CLIP2: variants seen among roughly 807,000 people sequenced by gnomAD.
The protein encoded by CLIP2 is CAP-Gly domain containing linker protein 2, also known as CAP-Gly domain-containing linker protein 2.
Under a neutral mutation model 111.7 loss-of-function variants are expected in CLIP2, and 41 were observed. The observed-to-expected ratio is 0.37, with a 90% CI of 0.29 to 0.48. The LOEUF is 0.48. Among genes scored for constraint, CLIP2 ranks in the 20% least tolerant of loss-of-function variants. The pLI is 0.99. For missense variants in CLIP2, 1,160 were observed against 1,422.1 expected (o/e 0.82, Z 2.96); for synonymous variants, 660 against 644.2 (o/e 1.02, Z -0.37).
chr7:74,352,835 C>T (rs1790045874), intron 3 of CLIP2, among the ~76,000 whole-genome samples: 1 of 151,832 alleles, frequency 6.6e-6, no homozygotes, highest in East Asian at 1.9e-4. Flanking sequence ...ATATCAAGAC[C>T]CTGTGTCTAC....
At chr7:74,314,311 T>G (rs1788714075) in intron 1 of CLIP2, among the ~76,000 whole-genome samples, 1 of 151,574 alleles carries the variant, frequency 6.6e-6, no homozygotes, top group African/African-American at 2.4e-5. Context: ...GCCAACATAG[T>G]GAAACCCCAC....
At chr7:74,296,874 C>T (rs896135631) in intron 1 of CLIP2, among the ~76,000 whole-genome samples, 10 of 151,982 alleles carry the variant, frequency 6.6e-5, no homozygotes, top group East Asian at 1.9e-4. Flanking sequence ...TAGCTGTGAA[C>T]GCTACATCTC....
At position 74,362,015 on chromosome 7, in the gene CLIP2, C is replaced by T. The variant is rs187148870; in HGVS notation, c.1319+1737C>T. On this transcript the variant is annotated intron_variant, in intron 7 of 16. Coordinates refer to ENST00000223398, the MANE Select transcript of CLIP2 (RefSeq NM_003388.5). ...ACTCGGGAGGCTGAGGCAGGAGAAT[C>T]GCTTGAACCCAGGAGGTGGAGGTTG... Among the ~76,000 whole-genome samples the T allele has an allele frequency of 1.6e-4, 24 of 151,784 alleles. No homozygotes were observed. In the East Asian group the frequency reaches 3.5e-3, roughly 22 times the overall value.
chr7:74,353,500 C>G (rs57591718), intron 3 of CLIP2, among the ~76,000 whole-genome samples: 1 of 152,154 alleles, frequency 6.6e-6, no homozygotes, highest in South Asian at 2.1e-4. Context: ...ATCTGCCCAC[C>G]TTGGCCTCCC....
At chr7:74,309,634 G>A (rs527324937) in intron 1 of CLIP2, among the ~76,000 whole-genome samples, 22 of 151,178 alleles carry the variant, frequency 1.5e-4, no homozygotes, top group African/African-American at 4.6e-4. Flanking sequence ...GAGGCGGGTG[G>A]ATCACCTGAG....
chr7:74,360,232 C>G lies in CLIP2; in HGVS notation c.1273C>G (p.Arg425Gly), dbSNP rs367705587. The G allele has an allele frequency of 6.2e-7, 1 of 1,607,162 alleles. No individual in the cohort carries two copies. Among genetic ancestry groups the G allele is most frequent in the South Asian group, 1.1e-5 (1 of 89,488 alleles). Residue 425 changes from arginine to glycine, a missense_variant, in exon 7 of 17, where the codon CGG (arginine) becomes GGG (glycine). Physicochemically the swap from Arg to Gly is moderately radical, Grantham distance 125 (BLOSUM62 -2). This residue lies in a region of CLIP2 where 70 missense variants were observed against 114.9 expected (regional missense o/e 0.61). Coordinates refer to ENST00000223398, the MANE Select transcript of CLIP2 (RefSeq NM_003388.5). ...AGCCCGGCTGCTCGTGGAGAGCGTG[C>G]GGAAAGAGAAGGTGGACCTGTCCAA... Reference protein sequence around the residue: ...QRARLLVESVRKEKVDLSNQL... With the variant: ...QRARLLVESVGKEKVDLSNQL...
At chr7:74,389,014 A>G (rs1791199566) in intron 12 of CLIP2, 89 bp from the exon 13 acceptor site, 2 of 1,453,408 alleles carry the variant, frequency 1.4e-6, no homozygotes, top group Non-Finnish European at 1.8e-6. Context: ...TGGGAGAATC[A>G]GCGCCCTGCC....
At chr7:74,356,660 G>A in intron 5 of CLIP2, 37 bp downstream of exon 5, 1 of 1,568,080 alleles carries the variant, frequency 6.4e-7, no homozygotes, top group Non-Finnish European at 8.7e-7. Flanking sequence ...TCTCTGGTGT[G>A]CGTTTGGGAG....
chr7:74,366,283 G>A (rs797034296), intron 8 of CLIP2, among the ~76,000 whole-genome samples: 7 of 152,100 alleles, frequency 4.6e-5, no homozygotes, highest in African/African-American at 1.2e-4. Context: ...CTCTGCTGGC[G>A]TCTCCTCCTT....
At position 74,289,436 on chromosome 7, in the gene CLIP2, T is replaced by A. The variant is rs1450858537; in HGVS notation, c.-366T>A. The A allele has an allele frequency of 6.7e-6, 1 of 148,272 alleles. No individual in the cohort carries two copies. Among genetic ancestry groups the A allele is most frequent in the East Asian group, 2.0e-4 (1 of 4,922 alleles). The allele number at this position is 148,272 out of a possible 1,614,324, so 9.2% of individuals were successfully genotyped here. A position where few individuals can be genotyped will look rare whatever the true frequency, so the allele number is the denominator to read the frequency against. On this transcript the variant is annotated 5_prime_UTR_variant, in exon 1 of 17. Coordinates refer to ENST00000223398, the MANE Select transcript of CLIP2 (RefSeq NM_003388.5). ...TTGTTCCCTCCCGGAGCCGGGCCGCTGGCTCCGCTGGCTCCGCTGGCTCCG... is the reference window on the plus strand; with the variant it reads ...TTGTTCCCTCCCGGAGCCGGGCCGCAGGCTCCGCTGGCTCCGCTGGCTCCG...
Position 74,356,600 on chromosome 7 carries a change from G to T in CLIP2, c.994G>T (p.Gly332Cys), listed in dbSNP as rs1429454503. The change falls in exon 5 of 17, where the codon GGT becomes TGT. Residue 332 changes from glycine (G) to cysteine (C), a missense_variant. Physicochemically the swap from Gly to Cys is radical, Grantham distance 159. Around this residue, in one of 5 missense-constraint regions of CLIP2, gnomAD observed 110 missense variants for 185.2 expected, o/e 0.59. Transcript: ENST00000223398. ...SVSSVASSVGGRPSRSGLLTE... is the reference protein window; with the variant it reads ...SVSSVASSVGCRPSRSGLLTE... ...CAGCTCTGTGGCCTCCTCCGTGGGG[G>T]GTCGGCCCAGCCGCAGTGGCCTGGT... The T allele has an allele frequency of 6.2e-7, 1 of 1,613,848 alleles. No homozygotes were observed. The highest frequency in any genetic ancestry group is 8.5e-7 in the Non-Finnish European group (1 of 1,179,972).
chr7:74,397,279 T>C, intron 14 of CLIP2, 46 bp downstream of exon 14: 1 of 1,585,894 alleles, frequency 6.3e-7, no homozygotes, highest in Non-Finnish European at 8.6e-7. Flanking sequence ...CTAGTCCGGG[T>C]GGGGCTGGGC....
At chr7:74,330,279 G>A (rs765223606) in intron 2 of CLIP2, among the ~76,000 whole-genome samples, 10 of 142,500 alleles carry the variant, frequency 7.0e-5, no homozygotes, top group Non-Finnish European at 1.4e-4. Context: ...TTTTTGAGAT[G>A]GAGTCTCGCT....
intron 3 of CLIP2, among the ~76,000 whole-genome samples, chr7:74,347,123 C>T (rs1789818512): frequency 6.6e-6 from 1 of 151,750 alleles, no homozygotes; most frequent in East Asian, 1.9e-4. Context: ...CTACTCGTTG[C>T]CTGGTGACTG....
chr7:74,363,063 G>A (rs1333218923), intron 7 of CLIP2, among the ~76,000 whole-genome samples: 2 of 151,742 alleles, frequency 1.3e-5, no homozygotes, highest in Non-Finnish European at 2.9e-5. Context: ...GGAGTGCAAT[G>A]GCACGATCTC....
At chr7:74,322,983 C>G (rs926406826) in intron 2 of CLIP2, among the ~76,000 whole-genome samples, 1 of 152,116 alleles carries the variant, frequency 6.6e-6, no homozygotes, top group Non-Finnish European at 1.5e-5. Flanking sequence ...CCTGCTTCGG[C>G]CTTCCAAAGC....
At chr7:74,291,616 T>C (rs1788021899) in intron 1 of CLIP2, among the ~76,000 whole-genome samples, 1 of 152,232 alleles carries the variant, frequency 6.6e-6, no homozygotes, top group African/African-American at 2.4e-5. Context: ...ATAAGTGTTG[T>C]TGCTGCCGTA....
chr7:74,343,354 G>T (rs1224973083), intron 3 of CLIP2, among the ~76,000 whole-genome samples: 1 of 152,036 alleles, frequency 6.6e-6, no homozygotes, highest in Non-Finnish European at 1.5e-5. Context: ...CATCCAACAG[G>T]ACCTGGGCAA....
intron 11 of CLIP2, among the ~76,000 whole-genome samples, chr7:74,381,345 T>G (rs1207353954): frequency 6.6e-6 from 1 of 151,958 alleles, no homozygotes; most frequent in Non-Finnish European, 1.5e-5. Flanking sequence ...TGCACCACCA[T>G]GCCCAGCTAA....
Sources: allele counts gnomAD v4.1 joint callset (sites outside exome capture counted in the v4.1 genomes callset), GRCh38; gene constraint gnomAD v4.1.1; regional missense constraint gnomAD v4.1.1; transcripts MANE v1.5; gene names NCBI Gene and HGNC (gene_info 2026-07-23, HGNC 2026-07-21).